Variants in PPME1 observed in about 807,000 individuals in gnomAD.
PPME1 encodes the protein protein phosphatase methylesterase 1, also known as testicular secretory protein Li 39.
Under a neutral mutation model 56.9 loss-of-function variants are expected in PPME1, and 17 were observed. That is an observed-to-expected ratio of 0.30 (90% CI 0.20 to 0.45). The LOEUF (loss-of-function observed/expected upper bound fraction) is 0.45, where lower values mean the gene tolerates loss of function less well. Ranked by LOEUF, PPME1 falls within the 20% of genes least tolerant of loss-of-function variation. The probability of loss-of-function intolerance (pLI) is 1.00; values close to 1 mark genes in which losing one functional copy is unlikely to be tolerated. For synonymous variants in PPME1, 122 were observed against 156.2 expected, an observed-to-expected ratio of 0.78 and a Z score of 1.63; for missense variants, 357 against 483.2, an observed-to-expected ratio of 0.74 and a Z score of 2.45.
At chr11:74,184,077 A>C (rs2135596222) in intron 1 of PPME1, among the ~76,000 whole-genome samples, 1 of 152,310 alleles carries the variant, frequency 6.6e-6, no homozygotes, top group East Asian at 1.9e-4. Context: ...CCATATTTAT[A>C]TCTCTCTGTC....
intron 1 of PPME1, among the ~76,000 whole-genome samples, chr11:74,174,387 CTTT>C (rs1276244251): frequency 6.6e-6 from 1 of 152,120 alleles, no homozygotes; most frequent in Non-Finnish European, 1.5e-5. Context: ...AGGATTCAGT[CTTT>C]TTCTTCAGTC....
In PPME1 at chr11:74,204,353, A is replaced by G. The variant is rs1388079868; in HGVS notation, c.196A>G (p.Thr66Ala). ...ATGTTTTATCTTTAACTATTCATAC[A>G]CTTTTCGAGTCTACAAGAGTGGTTC... ...VEVENETGKD[T>A]FRVYKSGSEG... The change falls in exon 3 of 14, where the codon ACT becomes GCT. Residue 66 changes from threonine to alanine, a missense_variant and splice_region_variant. Transcript: ENST00000328257. The G allele has an allele frequency of 1.0e-5, 16 of 1,607,776 alleles. No homozygotes were observed. The highest frequency in any genetic ancestry group is 1.3e-5 in the Non-Finnish European group (15 of 1,174,866).
chr11:74,171,662 T>A, intron 1 of PPME1, 140 bp downstream of exon 1: 2 of 1,136,212 alleles, frequency 1.8e-6, no homozygotes, highest in Middle Eastern at 2.0e-4. Flanking sequence ...TTAGATGGAG[T>A]AGAAGGCAGA....
In PPME1 at chr11:74,254,557, C is replaced by T. The variant is rs1456304439; in HGVS notation, c.*1047C>T. On this transcript the variant is annotated 3_prime_UTR_variant, in exon 14 of 14. Coordinates refer to ENST00000328257, the MANE Select transcript of PPME1 (RefSeq NM_016147.3). ...GTCCTGAAGCCCATCTTTTCTGTGA[C>T]TGTCTTAGGTGATGTGTAGCCCCCT... 6.5e-6 allele frequency: 1 copy of T among 153,248 alleles called. No individual in the cohort carries two copies. Among genetic ancestry groups the T allele is most frequent in the Non-Finnish European group, 1.5e-5 (1 of 68,260 alleles). The allele number at this position is 153,248 out of a possible 1,614,324, so 9.5% of individuals were successfully genotyped here.
chr11:74,225,458 A>C (rs1241929132), intron 5 of PPME1, among the ~76,000 whole-genome samples: 1 of 152,164 alleles, frequency 6.6e-6, no homozygotes, highest in African/African-American at 2.4e-5. Flanking sequence ...GGTGTGTCCA[A>C]TGCAATGGTC....
chr11:74,222,468 C>G, intron 4 of PPME1, 99 bp downstream of exon 4: 1 of 1,055,804 alleles, frequency 9.5e-7, no homozygotes, highest in South Asian at 1.3e-5. Flanking sequence ...CATAAAATAA[C>G]CTGGTCTATT....
rs1203086355 is a variant in PPME1, at chr11:74,239,173, G to T, written c.751G>T (p.Val251Leu). The T allele has an allele frequency of 6.2e-7, 1 of 1,613,666 alleles. No homozygotes were observed. Among genetic ancestry groups the T allele is most frequent in the East Asian group, 2.2e-5 (1 of 44,854 alleles). Reference sequence around the variant, plus strand: ...AAGTCCAGAAGGCTCAAAATCTATAGTGGAAGGAATCATAGAGGAAGAAGA... The same window carrying T: ...AAGTCCAGAAGGCTCAAAATCTATATTGGAAGGAATCATAGAGGAAGAAGA... ...ITSPEGSKSIVEGIIEEEEED... is the reference protein window; with the variant it reads ...ITSPEGSKSILEGIIEEEEED... Residue 251 changes from valine (V) to leucine (L), a missense_variant, in exon 9 of 14, where the codon GTG (valine) becomes TTG (leucine). Coordinates refer to ENST00000328257, the MANE Select transcript of PPME1 (RefSeq NM_016147.3).
intron 8 of PPME1, 43 bp from the exon 9 acceptor site, chr11:74,239,083 TTTGTGTA>T (rs753237293): frequency 4.5e-6 from 7 of 1,544,874 alleles, no homozygotes; most frequent in Middle Eastern, 3.5e-4. Context: ...TCTGAGATAA[TTTGTGTA>T]TTGGAAAGAG....
intron 3 of PPME1, among the ~76,000 whole-genome samples, chr11:74,219,581 T>C (rs1858744780): frequency 6.6e-6 from 1 of 152,110 alleles, no homozygotes; most frequent in Non-Finnish European, 1.5e-5. Context: ...CTGAGATCTC[T>C]GTCATTTGCA....
chr11:74,233,791 C>A (rs549483340), intron 7 of PPME1, among the ~76,000 whole-genome samples: 1 of 152,302 alleles, frequency 6.6e-6, no homozygotes, highest in East Asian at 1.9e-4. Context: ...CACTGCACTT[C>A]AGCCTGAACA....
At chr11:74,180,081 C>A (rs553043816) in intron 1 of PPME1, among the ~76,000 whole-genome samples, 4 of 152,196 alleles carry the variant, frequency 2.6e-5, no homozygotes, top group African/African-American at 9.6e-5. Flanking sequence ...ATACAACTTA[C>A]ATTTCTTGGT....
intron 1 of PPME1, among the ~76,000 whole-genome samples, chr11:74,183,830 C>T (rs1023976792): frequency 6.6e-6 from 1 of 151,952 alleles, no homozygotes; most frequent in African/African-American, 2.4e-5. Flanking sequence ...ATTTACTTGT[C>T]CTAAGGCAGT....
At chr11:74,200,354 GTT>G (rs1319416437) in intron 1 of PPME1, among the ~76,000 whole-genome samples, 11 of 124,942 alleles carry the variant, frequency 8.8e-5, no homozygotes, top group Admixed American at 3.8e-4. Flanking sequence ...ACAGTCATGT[GTT>G]TTGTGTGTGT....
Position 74,171,462 on chromosome 11 carries a change from C to T in PPME1, c.41C>T (p.Pro14Leu). The change falls in exon 1 of 14, where the codon CCC becomes CTC. Residue 14 changes from proline to leucine, a missense_variant. This residue lies in a region of PPME1 where 175 missense variants were observed against 189.4 expected (regional missense o/e 0.92). Transcript: ENST00000328257. ...AAGAGCATGCACCTCGGCCGCCTTC[C>T]CTCTCGCCCACCTCTACCCGGCAGC... ...LEKSMHLGRL[P>L]SRPPLPGSGG... The T allele has an allele frequency of 6.2e-7, 1 of 1,613,436 alleles. No homozygotes were observed. The highest frequency in any genetic ancestry group is 1.1e-5 in the South Asian group (1 of 90,932).
chr11:74,239,325 G>C, intron 9 of PPME1, 69 bp downstream of exon 9: 3 of 1,553,270 alleles, frequency 1.9e-6, no homozygotes, highest in Non-Finnish European at 2.6e-6. Flanking sequence ...GGGTGGGAAG[G>C]GGTGATAACA....
chr11:74,238,839 A>ACT, intron 8 of PPME1: 1 of 205,942 alleles, frequency 4.9e-6, no homozygotes, highest in East Asian at 1.1e-4. Context: ...ACTTCATAGG[A>ACT]TTGTTATGAA....
chr11:74,227,251 T>C (rs1858953607), intron 5 of PPME1, among the ~76,000 whole-genome samples: 1 of 152,132 alleles, frequency 6.6e-6, no homozygotes, highest in Admixed American at 6.5e-5. Context: ...CTGGCAAGGG[T>C]AAAATATTTA....
intron 1 of PPME1, among the ~76,000 whole-genome samples, chr11:74,194,671 A>G (rs1448425174): frequency 6.6e-6 from 1 of 152,066 alleles, no homozygotes; most frequent in African/African-American, 2.4e-5. Context: ...AATATTTCTC[A>G]AGTTGGATCT....
chr11:74,251,598 A>G (rs369171590), intron 12 of PPME1, 50 bp from the exon 13 acceptor site: 22 of 1,599,368 alleles, frequency 1.4e-5, no homozygotes, highest in African/African-American at 1.2e-4. Flanking sequence ...CCCAAGGCTA[A>G]GCCCCATCAC....
Sources: gnomAD v4.1 joint callset for allele counts (sites outside exome capture counted in the v4.1 genomes callset) on GRCh38, gnomAD v4.1.1 for gene constraint, gnomAD v4.1.1 regional missense constraint, MANE v1.5 for transcripts, NCBI Gene and HGNC (gene_info 2026-07-23, HGNC 2026-07-21) for gene names.